PDSS2: variants seen among roughly 807,000 people sequenced by gnomAD.
PDSS2 encodes decaprenyl diphosphate synthase subunit 2.
In PDSS2, 31 loss-of-function variants were observed where a neutral mutation model predicts 44.5. The ratio of observed to expected loss-of-function variants is 0.70; its 90% CI spans 0.52 to 0.94. The LOEUF is 0.94. PDSS2 is among the 40% of genes least tolerant of loss of function. The pLI, the probability that PDSS2 is intolerant of heterozygous loss-of-function variation, is 0.00. For missense variants in PDSS2, 452 were observed against 482.2 expected (o/e 0.94, Z 0.59); for synonymous variants, 157 against 180.3 (o/e 0.87, Z 1.03).
At chr6:107,438,864 A>T (rs1213912191) in intron 1 of PDSS2, among the ~76,000 whole-genome samples, 5 of 151,962 alleles carry the variant, frequency 3.3e-5, no homozygotes, top group African/African-American at 9.7e-5. Flanking sequence ...TTCTAATTCA[A>T]CCTCTTCTCA....
chr6:107,326,107 T>TC (rs1363576702), intron 2 of PDSS2, among the ~76,000 whole-genome samples: 1 of 149,488 alleles, frequency 6.7e-6, no homozygotes, highest in East Asian at 1.9e-4. Context: ...CTTTTTTCTT[T>TC]TTTTTTTTTT....
intron 3 of PDSS2, among the ~76,000 whole-genome samples, chr6:107,265,315 A>C (rs1473537884): frequency 6.6e-6 from 1 of 152,190 alleles, no homozygotes; most frequent in African/African-American, 2.4e-5. Context: ...TGAGAAGTAC[A>C]GAGATAAACA....
At chr6:107,364,253 G>A (rs1258282662) in intron 1 of PDSS2, among the ~76,000 whole-genome samples, 3 of 152,248 alleles carry the variant, frequency 2.0e-5, no homozygotes, top group Non-Finnish European at 4.4e-5. Flanking sequence ...GCATTCCTCA[G>A]CCCTTGGGTG....
intron 6 of PDSS2, among the ~76,000 whole-genome samples, chr6:107,206,610 C>T (rs866571685): frequency 7.3e-6 from 1 of 136,432 alleles, no homozygotes; most frequent in African/African-American, 2.6e-5. Context: ...CTGGACCACA[C>T]TGGAAGAAGA....
intron 7 of PDSS2, among the ~76,000 whole-genome samples, chr6:107,156,201 T>C (rs1451620972): frequency 6.8e-6 from 1 of 147,394 alleles, no homozygotes; most frequent in Admixed American, 6.7e-5. Flanking sequence ...GAATGCTTTT[T>C]TTTTTTTTTT....
At chr6:107,433,398 T>G (rs146117358) in intron 1 of PDSS2, among the ~76,000 whole-genome samples, 1 of 152,094 alleles carries the variant, frequency 6.6e-6, no homozygotes, top group African/African-American at 2.4e-5. Context: ...CAAAACAGCA[T>G]GGTACTGGCA....
intron 7 of PDSS2, among the ~76,000 whole-genome samples, chr6:107,174,962 C>T (rs1389257914): frequency 6.6e-6 from 1 of 152,188 alleles, no homozygotes; most frequent in Non-Finnish European, 1.5e-5. Flanking sequence ...CGCCAGGAAT[C>T]CCAGCACTTT....
intron 2 of PDSS2, 59 bp from the exon 3 acceptor site, chr6:107,274,286 C>A: frequency 1.5e-6 from 2 of 1,324,358 alleles, no homozygotes; most frequent in South Asian, 1.2e-5. Context: ...TCACTAATGT[C>A]TGATTTCAGT....
intron 1 of PDSS2, among the ~76,000 whole-genome samples, chr6:107,395,774 G>A (rs904597760): frequency 1.3e-5 from 2 of 152,070 alleles, no homozygotes; most frequent in Admixed American, 1.3e-4. Context: ...TGATTTTTGA[G>A]CTATGTTTCT....
chr6:107,380,702 G>C (rs1195057128), intron 1 of PDSS2, among the ~76,000 whole-genome samples: 1 of 151,862 alleles, frequency 6.6e-6, no homozygotes, highest in Admixed American at 6.5e-5. Flanking sequence ...TTCCCAGTTA[G>C]CTATGATTCT....
chr6:107,419,417 T>C (rs1221041339), intron 1 of PDSS2, among the ~76,000 whole-genome samples: 1 of 152,200 alleles, frequency 6.6e-6, no homozygotes, highest in Non-Finnish European at 1.5e-5. Flanking sequence ...ACTTCAGAGA[T>C]ATAGTGCTCC....
intron 4 of PDSS2, among the ~76,000 whole-genome samples, chr6:107,242,963 T>C (rs1582836748): frequency 6.6e-6 from 1 of 152,188 alleles, no homozygotes; most frequent in Admixed American, 6.5e-5. Flanking sequence ...ATAAAGTCTC[T>C]TTAATAAAAT....
At chr6:107,185,253 G>A (rs939120304) in intron 7 of PDSS2, among the ~76,000 whole-genome samples, 3 of 152,022 alleles carry the variant, frequency 2.0e-5, no homozygotes, top group African/African-American at 7.2e-5. Context: ...ATCAAAATGA[G>A]CGCGAATGTC....
intron 4 of PDSS2, among the ~76,000 whole-genome samples, chr6:107,229,212 T>C (rs538270076): frequency 6.6e-6 from 1 of 152,234 alleles, no homozygotes; most frequent in African/African-American, 2.4e-5. Flanking sequence ...TTTGAGACGT[T>C]GTCTTCCTCT....
At chr6:107,416,746 A>T (rs1346352074) in intron 1 of PDSS2, among the ~76,000 whole-genome samples, 1 of 152,222 alleles carries the variant, frequency 6.6e-6, no homozygotes, top group Non-Finnish European at 1.5e-5. Context: ...ATCTAGACTC[A>T]CAAGTCCCGA....
chr6:107,283,687 T>C (rs1330954178), intron 2 of PDSS2, among the ~76,000 whole-genome samples: 1 of 151,746 alleles, frequency 6.6e-6, no homozygotes, highest in Non-Finnish European at 1.5e-5. Context: ...GCCATGGCAC[T>C]CCAGCCTGGG....
At chr6:107,201,259 T>A (rs1772760151) in intron 6 of PDSS2, among the ~76,000 whole-genome samples, 1 of 152,036 alleles carries the variant, frequency 6.6e-6, no homozygotes, top group African/African-American at 2.4e-5. Flanking sequence ...TCACAGAGAA[T>A]GTGTGGTTTG....
At chr6:107,289,555 G>A (rs1049112012) in intron 2 of PDSS2, among the ~76,000 whole-genome samples, 1 of 151,682 alleles carries the variant, frequency 6.6e-6, no homozygotes, top group African/African-American at 2.4e-5. Context: ...AAAATTAGCT[G>A]GACGTGGTGG....
intron 3 of PDSS2, 123 bp downstream of exon 3, chr6:107,273,906 C>A: frequency 1.3e-6 from 1 of 759,896 alleles, no homozygotes; most frequent in South Asian, 1.4e-5. Context: ...CACAGTTTTA[C>A]TGTTTACTGA....
Sources: gnomAD v4.1 joint callset for allele counts (sites outside exome capture counted in the v4.1 genomes callset) on GRCh38, gnomAD v4.1.1 for gene constraint, MANE v1.5 for transcripts, NCBI Gene and HGNC (gene_info 2026-07-23, HGNC 2026-07-21) for gene names.